Variants in SRSF1 observed in about 807,000 individuals in gnomAD.
SRSF1 encodes serine/arginine-rich splicing factor 1.
SRSF1 carries 1 observed loss-of-function variant against 25.9 expected under a neutral mutation model. That is an observed-to-expected ratio of 0.04 (90% confidence interval 0.01 to 0.18). The LOEUF is 0.18. Among genes scored for constraint, SRSF1 ranks in the 10% least tolerant of loss-of-function variants. The pLI, the probability that SRSF1 is intolerant of heterozygous loss-of-function variation, is 1.00. For synonymous variants in SRSF1, 132 were observed against 126.2 expected (o/e 1.05, Z -0.31); for missense variants, 65 against 350.5 (o/e 0.19, Z 6.50).
chr17:57,997,408 T>C (rs1221206684), downstream of SRSF1, among the ~76,000 whole-genome samples: 1 of 152,196 alleles, frequency 6.6e-6, no homozygotes, highest in Non-Finnish European at 1.5e-5. Flanking sequence ...TCTTCCCATC[T>C]CGCCCATCAA....
downstream of SRSF1, among the ~76,000 whole-genome samples, chr17:57,999,449 C>T (rs894713382): frequency 4.6e-5 from 7 of 152,074 alleles, no homozygotes; most frequent in African/African-American, 1.7e-4. Flanking sequence ...AGATTTGTTA[C>T]AAAATGAGTG....
downstream of SRSF1, among the ~76,000 whole-genome samples, chr17:57,999,408 T>C (rs901195328): frequency 1.3e-5 from 2 of 152,238 alleles, no homozygotes; most frequent in Admixed American, 6.5e-5. Flanking sequence ...AGCAGACTTA[T>C]GTCTTCAGTA....
intron 2 of SRSF1, 163 bp downstream of exon 2, chr17:58,006,180 T>C (rs1312528836): frequency 2.9e-6 from 3 of 1,040,458 alleles, no homozygotes; most frequent in African/African-American, 1.6e-5. Context: ...CCTAATTTGG[T>C]AAATCACCAC....
downstream of SRSF1, among the ~76,000 whole-genome samples, chr17:57,996,483 T>TTAAAAA (rs538866531): frequency 6.1e-4 from 44 of 72,372 alleles, 1 homozygote; most frequent in South Asian, 1.8e-3. Flanking sequence ...GACACTGTCT[T>TTAAAAA]AAAAAAAAAA....
rs192838949 is a variant in SRSF1, at chr17:58,004,694, A to G, written c.*712T>C. The G allele has an allele frequency of 2.4e-3, 767 of 313,326 alleles. 3 individuals carry two copies. The highest frequency in any genetic ancestry group is 3.9e-3 in the Non-Finnish European group (677 of 172,330). The allele number at this position is 313,326 out of a possible 1,614,324, so 19.4% of individuals were successfully genotyped here. ...AGTTCTTCCCACATTAGTCCCTATT[A>G]AAACAAAAATGGGGGGAAGGGAGCA... On this transcript the variant is annotated 3_prime_UTR_variant, in exon 4 of 4. Transcript: ENST00000258962.
At chr17:57,997,992 A>C (rs749496173), downstream of SRSF1, among the ~76,000 whole-genome samples, 57 of 152,284 alleles carry the variant, frequency 3.7e-4, no homozygotes, top group South Asian at 3.1e-3. Context: ...AGGCGGGCGG[A>C]TCACTTGAGA....
chr17:58,006,419 C>CCCG lies in SRSF1; in HGVS notation c.300_302dup (p.Gly106dup), dbSNP rs1567749146. On this transcript the variant is annotated inframe_insertion, in exon 2 of 4. Coordinates refer to ENST00000258962, the MANE Select transcript of SRSF1 (RefSeq NM_006924.5). ...CTCGGGGAGCTCCGCCACCTCCACCCCCGCCGCCGCCTCGGCCTGTTCCAC... is the reference window on the plus strand; with the variant it reads ...CTCGGGGAGCTCCGCCACCTCCACCCCCGCCGCCGCCGCCTCGGCCTGTTCCAC... 1 of 1,613,206 alleles carries CCCG rather than the reference C, an allele frequency of 6.2e-7. No individual in the cohort carries two copies. Among genetic ancestry groups the CCCG allele is most frequent in the Admixed American group, 1.7e-5 (1 of 60,018 alleles).
the SRSF1 span, chr17:57,993,389 C>CAAAAAAAAAAAAAAA: frequency 1.6e-5 from 2 of 123,242 alleles, no homozygotes; most frequent in African/African-American, 6.4e-5. Flanking sequence ...GACTCCGTCT[C>CAAAAAAAAAAAAAAA]AAAAAAAAAA....
At position 58,002,663 on chromosome 17, in the gene SRSF1, G is replaced by GAAGC. The variant is rs2075400099; in HGVS notation, c.*2739_*2742dup. Among the ~76,000 whole-genome samples, 1 of 152,192 alleles carries GAAGC rather than the reference G, an allele frequency of 6.6e-6. No homozygotes were observed. Among genetic ancestry groups the GAAGC allele is most frequent in the South Asian group, 2.1e-4 (1 of 4,834 alleles). Reference sequence around the variant, plus strand: ...TTTTATTAACAATGATTCATCCAAAGAAGCAGTTAATCTTGTGCACTCTTC... The same window carrying GAAGC: ...TTTTATTAACAATGATTCATCCAAAGAAGCAAGCAGTTAATCTTGTGCACTCTTC... On this transcript the variant is annotated 3_prime_UTR_variant, in exon 4 of 4. Transcript: ENST00000258962.
At position 58,004,741 on chromosome 17, in the gene SRSF1, G is replaced by T; in HGVS notation, c.*665C>A. 1 of 379,234 alleles carries T rather than the reference G, an allele frequency of 2.6e-6. No individual in the cohort carries two copies. The highest frequency in any genetic ancestry group is 3.8e-5 in the East Asian group (1 of 26,576). 23.5% of individuals were successfully genotyped at this position (379,234 alleles called of 1,614,324 possible). On this transcript the variant is annotated 3_prime_UTR_variant, in exon 4 of 4. Coordinates refer to ENST00000258962, the MANE Select transcript of SRSF1 (RefSeq NM_006924.5). Reference sequence around the variant, plus strand: ...AGCAAAATAAGTTGCTACAAAATGGGCAATATAATTTTGCCACAATTGCCA... The same window carrying T: ...AGCAAAATAAGTTGCTACAAAATGGTCAATATAATTTTGCCACAATTGCCA...
chr17:58,001,984 T>G lies in SRSF1; in HGVS notation c.*3422A>C, dbSNP rs1341689925. Among the ~76,000 whole-genome samples the G allele has an allele frequency of 6.6e-6, 1 of 152,202 alleles. No homozygotes were observed. Among genetic ancestry groups the G allele is most frequent in the Non-Finnish European group, 1.5e-5 (1 of 68,026 alleles). ...AAACTTGAGTGAAGGCCATTTACAT[T>G]TTTTGGTCATTTCCAAAACATTCAA... On this transcript the variant is annotated 3_prime_UTR_variant, in exon 4 of 4. Coordinates refer to ENST00000258962, the MANE Select transcript of SRSF1 (RefSeq NM_006924.5).
At position 58,003,471 on chromosome 17, in the gene SRSF1, G is replaced by C. The variant is rs767706144; in HGVS notation, c.*1935C>G. On this transcript the variant is annotated 3_prime_UTR_variant, in exon 4 of 4. Coordinates refer to ENST00000258962, the MANE Select transcript of SRSF1 (RefSeq NM_006924.5). ...AGACCCAGTTAGAATCTTACATGAA[G>C]AGGAAAAAGGACAACCATGCATAGT... is the stretch of plus-strand genomic sequence containing the variant. 1 of 152,136 alleles carries C rather than the reference G, an allele frequency of 6.6e-6. No individual in the cohort carries two copies. Among genetic ancestry groups the C allele is most frequent in the Non-Finnish European group, 1.5e-5 (1 of 68,030 alleles). 9.4% of individuals were successfully genotyped at this position (152,136 alleles called of 1,614,324 possible). A position where few individuals can be genotyped will look rare whatever the true frequency, so the allele number is the denominator to read the frequency against.
rs2075425687 is a variant in SRSF1, at chr17:58,006,165, C to T, written c.379+178G>A. ...TTGTAACGATCTTCGTATCTAGTAC[C>T]GCAACCTAATTTGGTAAATCACCAC... On this transcript the variant is annotated intron_variant, in intron 2 of 3. Coordinates refer to ENST00000258962, the MANE Select transcript of SRSF1 (RefSeq NM_006924.5). The T allele has an allele frequency of 3.1e-6, 3 of 976,104 alleles. No homozygotes were observed. The South Asian group carries it at 5.3e-5, about 17-fold the overall frequency. 60.5% of individuals were successfully genotyped at this position (976,104 alleles called of 1,614,324 possible).
chr17:58,005,242 C>G lies in SRSF1; in HGVS notation c.*164G>C, dbSNP rs781025039. ...CTTAAAATACAATTTATCAAAGACA[C>G]GAAGGGAATGTAGATGTTAGGAGCA... On this transcript the variant is annotated 3_prime_UTR_variant, in exon 4 of 4. Transcript: ENST00000258962. The surrounding 1 kb of genome is among the most constrained non-coding windows in gnomAD (Gnocchi z 5.2). The G allele has an allele frequency of 2.9e-6, 2 of 697,488 alleles. No homozygotes were observed. Among genetic ancestry groups the G allele is most frequent in the Non-Finnish European group, 4.7e-6 (2 of 421,298 alleles). The allele number at this position is 697,488 out of a possible 1,614,324, so 43.2% of individuals were successfully genotyped here.
chr17:58,006,657 T>C (rs902232092), intron 1 of SRSF1, 130 bp from the exon 2 acceptor site: 11 of 1,138,860 alleles, frequency 9.7e-6, no homozygotes, highest in African/African-American at 1.6e-5. Context: ...ATAATAGGAA[T>C]GGCCCCTCCC....
chr17:58,005,346 G>A lies in SRSF1; in HGVS notation c.*60C>T. 6.4e-7 allele frequency: 1 copy of A among 1,567,228 alleles called. No homozygotes were observed. The highest frequency in any genetic ancestry group is 8.7e-7 in the Non-Finnish European group (1 of 1,144,574). ...GTTTGAATTAAAAAATGAAAAGATTGTACTGAATAAAGGAAAACTGTATAC... is the reference window on the plus strand; with the variant it reads ...GTTTGAATTAAAAAATGAAAAGATTATACTGAATAAAGGAAAACTGTATAC... On this transcript the variant is annotated 3_prime_UTR_variant, in exon 4 of 4. Coordinates refer to ENST00000258962, the MANE Select transcript of SRSF1 (RefSeq NM_006924.5). The surrounding 1 kb of genome is among the most constrained non-coding windows in gnomAD (Gnocchi z 5.2).
chr17:58,006,023 G>A, intron 2 of SRSF1, 50 bp from the exon 3 acceptor site: 4 of 1,547,260 alleles, frequency 2.6e-6, no homozygotes, highest in Non-Finnish European at 3.5e-6. Context: ...TAAATTTCAC[G>A]TTAAGCTGGT....
chr17:58,007,196 C>T lies in SRSF1; in HGVS notation c.-59G>A, dbSNP rs2075436644. On this transcript the variant is annotated 5_prime_UTR_variant, in exon 1 of 4. Coordinates refer to ENST00000258962, the MANE Select transcript of SRSF1 (RefSeq NM_006924.5). ...CCTTCCCACCAAGCCTAGCGCACGG[C>T]AGAGCGAGCCCGCAGCGGCACCACG... 1.3e-6 allele frequency: 2 copies of T among 1,589,570 alleles called. No homozygotes were observed. Among genetic ancestry groups the T allele is most frequent in the Non-Finnish European group, 8.6e-7 (1 of 1,165,408 alleles).
chr17:58,006,552 G>A (rs756364563), intron 1 of SRSF1, 25 bp from the exon 2 acceptor site: 1 of 1,596,290 alleles, frequency 6.3e-7, no homozygotes. Flanking sequence ...AAAGTAAAAG[G>A]GATGAGAAAC....
Sources: allele counts gnomAD v4.1 joint callset (sites outside exome capture counted in the v4.1 genomes callset), GRCh38; gene constraint gnomAD v4.1.1; non-coding constraint Gnocchi (gnomAD v3.1); transcripts MANE v1.5; gene names NCBI Gene and HGNC (gene_info 2026-07-23, HGNC 2026-07-21).